NKD1: variants seen among roughly 807,000 people sequenced by gnomAD.
NKD1 encodes NKD inhibitor of Wnt signaling pathway 1, also known as protein naked cuticle homolog 1.
A neutral mutation model predicts 56.0 loss-of-function variants in NKD1; 21 were observed. That is an observed-to-expected ratio of 0.38 (90% CI 0.27 to 0.54). The LOEUF (loss-of-function observed/expected upper bound fraction) is 0.54, where lower values mean the gene tolerates loss of function less well. Ranked by LOEUF, NKD1 falls within the 20% of genes least tolerant of loss-of-function variation. NKD1 has a pLI of 0.82. For missense variants in NKD1, 578 were observed against 642.7 expected (o/e 0.90, Z 1.09); for synonymous variants, 263 against 265.7 (o/e 0.99, Z 0.10).
rs763698053 is a variant in NKD1, at chr16:50,633,727, GCAC to G, written c.1371_1373del (p.His458del). On this transcript the variant is annotated inframe_deletion, in exon 10 of 10. Coordinates refer to ENST00000268459, the MANE Select transcript of NKD1 (RefSeq NM_033119.5). This position sits in a 1 kb window ranked among gnomAD's most constrained non-coding sequence, Gnocchi z 4.9. Reference sequence around the variant, plus strand: ...CCGGGCAGCCGGTCCAGAGACATGAGCACCACCACCACCATGAACATCACCACC... The same window carrying G: ...CCGGGCAGCCGGTCCAGAGACATGAGCACCACCACCATGAACATCACCACC... 3.8e-6 allele frequency: 6 copies of G among 1,569,612 alleles called. No individual in the cohort carries two copies. The highest frequency in any genetic ancestry group is 1.8e-5 in the Admixed American group (1 of 54,512).
intron 4 of NKD1, among the ~76,000 whole-genome samples, chr16:50,617,294 C>T (rs1368975549): frequency 6.6e-6 from 1 of 152,178 alleles, no homozygotes; most frequent in Non-Finnish European, 1.5e-5. Flanking sequence ...CCCACCCCTC[C>T]CTTTTTTAAA....
rs2151279230 is a variant in NKD1, at chr16:50,623,202, T to C, written c.366+1494T>C. Among the ~76,000 whole-genome samples the C allele has an allele frequency of 6.6e-6, 1 of 151,174 alleles. No homozygotes were observed. Among genetic ancestry groups the C allele is most frequent in the East Asian group, 2.0e-4 (1 of 4,998 alleles). On this transcript the variant is annotated intron_variant, in intron 5 of 9. Transcript: ENST00000268459. This position sits in a 1 kb window ranked among gnomAD's most constrained non-coding sequence, Gnocchi z 4.1. ...GGTGGGACATGGGGGAGACGCCCTG[T>C]GTGCAGGGTCTCTGGTGACCGATCT...
intron 2 of NKD1, 80 bp downstream of exon 2, chr16:50,548,829 G>T (rs1596697693): frequency 1.5e-6 from 2 of 1,313,174 alleles, no homozygotes; most frequent in Admixed American, 4.1e-5. Flanking sequence ...AGCCCGCCAG[G>T]TCTTATGACC....
At chr16:50,602,171 TG>T (rs1567345748) in intron 3 of NKD1, among the ~76,000 whole-genome samples, 3 of 152,186 alleles carry the variant, frequency 2.0e-5, no homozygotes, top group African/African-American at 4.8e-5. Flanking sequence ...GGAGGCTGTG[TG>T]GGCAGAGATA....
Position 50,647,589 on chromosome 16 carries a change from A to T in NKD1, c.*13808A>T, listed in dbSNP as rs1374774101. 2 of 152,190 alleles carry T rather than the reference A, an allele frequency of 1.3e-5. No homozygotes were observed. The highest frequency in any genetic ancestry group is 4.8e-5 in the African/African-American group (2 of 41,442). The allele number at this position is 152,190 out of a possible 1,614,324, so 9.4% of individuals were successfully genotyped here. On this transcript the variant is annotated 3_prime_UTR_variant, in exon 10 of 10. Coordinates refer to ENST00000268459, the MANE Select transcript of NKD1 (RefSeq NM_033119.5). ...GTTCCACTCCAGGAGCCCACGTGGA[A>T]CATACCTCAGAGTTATCCCACCTGC... is the stretch of plus-strand genomic sequence containing the variant.
intron 3 of NKD1, among the ~76,000 whole-genome samples, chr16:50,586,382 C>T (rs908513780): frequency 3.5e-5 from 4 of 115,892 alleles, no homozygotes; most frequent in East Asian, 2.4e-4. Flanking sequence ...CTTGTTTGGG[C>T]GGGGGGTGGG....
At chr16:50,599,388 T>TCA (rs1443919930) in intron 3 of NKD1, among the ~76,000 whole-genome samples, 1 of 152,148 alleles carries the variant, frequency 6.6e-6, no homozygotes, top group Non-Finnish European at 1.5e-5. Flanking sequence ...TAGACTCATT[T>TCA]GTACAAAGTC....
At chr16:50,629,308 T>C (rs1340086794) in intron 6 of NKD1, among the ~76,000 whole-genome samples, 1 of 152,150 alleles carries the variant, frequency 6.6e-6, no homozygotes, top group Non-Finnish European at 1.5e-5. Flanking sequence ...CCCGCCTTCA[T>C]GACCTCGTTT....
Position 50,610,196 on chromosome 16 carries a change from A to T in NKD1, c.259+1836A>T, listed in dbSNP as rs190461854. ...CAATAATTCAAAAACTATATTTTTT[A>T]AAAAATCAAAAAACCACAATTATGT... On this transcript the variant is annotated intron_variant, in intron 4 of 9. Coordinates refer to ENST00000268459, the MANE Select transcript of NKD1 (RefSeq NM_033119.5). Among the ~76,000 whole-genome samples, 21 of 152,344 alleles carry T rather than the reference A, an allele frequency of 1.4e-4. No individual in the cohort carries two copies. The East Asian group carries it at 2.9e-3, about 21-fold the overall frequency.
rs138964473 is a variant in NKD1, at chr16:50,598,262, T to TGTGC, written c.193-10031_193-10030insTGCG. 9.6e-4 allele frequency among the ~76,000 whole-genome samples: 142 copies of TGTGC among 148,664 alleles called. No homozygotes were observed. Among genetic ancestry groups the TGTGC allele is most frequent in the Middle Eastern group, 3.4e-3 (1 of 290 alleles). ...GTGTGTGTGTGTGTGTGTGTGTGTGTGCGCGCACACCTGTGCTCATGGACA... is the reference window on the plus strand; with the variant it reads ...GTGTGTGTGTGTGTGTGTGTGTGTGTGTGCGCGCGCACACCTGTGCTCATGGACA... On this transcript the variant is annotated intron_variant, in intron 3 of 9. Transcript: ENST00000268459. The surrounding 1 kb of genome is among the most constrained non-coding windows in gnomAD (Gnocchi z 4.2).
intron 4 of NKD1, among the ~76,000 whole-genome samples, chr16:50,615,013 G>T (rs796812769): frequency 3.3e-5 from 5 of 152,250 alleles, no homozygotes; most frequent in African/African-American, 1.2e-4. Flanking sequence ...GTCAGGTAGG[G>T]GTACTGAGTG....
chr16:50,589,699 C>A (rs538440704), intron 3 of NKD1, among the ~76,000 whole-genome samples: 1 of 18,740 alleles, frequency 5.3e-5, no homozygotes, highest in South Asian at 2.6e-3. Context: ...TTTCTTTTCT[C>A]TTCTCTTCTC....
intron 3 of NKD1, among the ~76,000 whole-genome samples, chr16:50,551,257 A>AG (rs1243656346): frequency 6.6e-6 from 1 of 152,130 alleles, no homozygotes; most frequent in African/African-American, 2.4e-5. Context: ...AGGGGGCCCC[A>AG]GCTTAAGTCT....
Position 50,632,187 on chromosome 16 carries a change from T to C in NKD1, c.696-94T>C. On this transcript the variant is annotated intron_variant, in intron 8 of 9. Transcript: ENST00000268459. This position sits in a 1 kb window ranked among gnomAD's most constrained non-coding sequence, Gnocchi z 4.1. ...GGCCAAGAAGGAAATGAATGAAGGG[T>C]CCAGAGTTCATTCTGGGGGCTTCCT... 1 of 1,226,526 alleles carries C rather than the reference T, an allele frequency of 8.2e-7. No homozygotes were observed. Among genetic ancestry groups the C allele is most frequent in the South Asian group, 1.3e-5 (1 of 75,422 alleles). The allele number at this position is 1,226,526 out of a possible 1,614,324, so 76.0% of individuals were successfully genotyped here.
At position 50,633,881 on chromosome 16, in the gene NKD1, G is replaced by T. The variant is rs1397207792; in HGVS notation, c.*100G>T. 1 of 596,238 alleles carries T rather than the reference G, an allele frequency of 1.7e-6. No homozygotes were observed. The highest frequency in any genetic ancestry group is 2.8e-6 in the Non-Finnish European group (1 of 351,872). The allele number at this position is 596,238 out of a possible 1,614,324, so 36.9% of individuals were successfully genotyped here. ...AATTATTGTTATTATGATGATTATT[G>T]TTATTAATAATTATTGTTACTCCAC... On this transcript the variant is annotated 3_prime_UTR_variant, in exon 10 of 10. Coordinates refer to ENST00000268459, the MANE Select transcript of NKD1 (RefSeq NM_033119.5). This position sits in a 1 kb window ranked among gnomAD's most constrained non-coding sequence, Gnocchi z 4.9.
intron 4 of NKD1, chr16:50,616,172 C>T (rs1161531881): frequency 4.7e-6 from 2 of 429,952 alleles, no homozygotes; most frequent in Admixed American, 4.8e-5. Flanking sequence ...GGCGAGCATC[C>T]AGACTCTAGC....
chr16:50,565,863 A>G (rs947676665), intron 3 of NKD1, among the ~76,000 whole-genome samples: 2 of 152,236 alleles, frequency 1.3e-5, no homozygotes, highest in Admixed American at 6.5e-5. Context: ...ATGGCTATCA[A>G]GCCTTCTGTT....
rs1195438581 is a variant in NKD1, at chr16:50,645,185, C to G, written c.*11404C>G. The G allele has an allele frequency of 6.6e-6, 1 of 152,270 alleles. No individual in the cohort carries two copies. Among genetic ancestry groups the G allele is most frequent in the African/African-American group, 2.4e-5 (1 of 41,454 alleles). The allele number at this position is 152,270 out of a possible 1,614,324, so 9.4% of individuals were successfully genotyped here. A position where few individuals can be genotyped will look rare whatever the true frequency, so the allele number is the denominator to read the frequency against. ...TAAAACAGACATCATCTCTACCTAC[C>G]TTTGTGGAGCTTTAATCTAGTGTGG... On this transcript the variant is annotated 3_prime_UTR_variant, in exon 10 of 10. Coordinates refer to ENST00000268459, the MANE Select transcript of NKD1 (RefSeq NM_033119.5).
Position 50,633,254 on chromosome 16 carries a change from C to T in NKD1, c.886C>T (p.Arg296Cys), listed in dbSNP as rs763568385. 26 of 1,613,946 alleles carry T rather than the reference C, an allele frequency of 1.6e-5. No individual in the cohort carries two copies. The highest frequency in any genetic ancestry group is 1.6e-4 in the East Asian group (7 of 44,892). ...CCGCACCTCCAATCCCACTCGATCT[C>T]GCTCCCATGAGCCGGAAGCCATCCA... ...PPRTSNPTRSRSHEPEAIHIP... is the reference protein window; with the variant it reads ...PPRTSNPTRSCSHEPEAIHIP... The change falls in exon 10 of 10, where the codon CGC (arginine) becomes TGC (cysteine). Residue 296 changes from arginine (R) to cysteine (C), a missense_variant. Coordinates refer to ENST00000268459, the MANE Select transcript of NKD1 (RefSeq NM_033119.5). The surrounding 1 kb of genome is among the most constrained non-coding windows in gnomAD (Gnocchi z 4.9).
Sources: allele counts gnomAD v4.1 joint callset (sites outside exome capture counted in the v4.1 genomes callset), GRCh38; gene constraint gnomAD v4.1.1; non-coding constraint Gnocchi (gnomAD v3.1); transcripts MANE v1.5; gene names NCBI Gene and HGNC (gene_info 2026-07-23, HGNC 2026-07-21).